DGKK: variants seen among roughly 807,000 people sequenced by gnomAD.
The protein encoded by DGKK is diacylglycerol kinase kappa, also known as 142 kDa diacylglycerol kinase.
In DGKK, 35 loss-of-function variants were observed where a neutral mutation model predicts 92.2. That is an observed-to-expected ratio of 0.38 (90% CI 0.29 to 0.50). The LOEUF (loss-of-function observed/expected upper bound fraction) is 0.50. DGKK is among the 20% of genes least tolerant of loss of function. DGKK has a pLI of 0.92. For synonymous variants in DGKK, 368 were observed against 360.6 expected (o/e 1.02, Z -0.23); for missense variants, 910 against 992.2 (o/e 0.92, Z 1.11).
intron 17 of DGKK, 67 bp from the exon 18 acceptor site, chrX:50,382,670 G>T: frequency 1.1e-6 from 1 of 894,601 alleles, no homozygotes; most frequent in Non-Finnish European, 1.6e-6. Context: ...AATTGGGCAT[G>T]AAGATGAATC....
intron 1 of DGKK, among the ~76,000 whole-genome samples, chrX:50,463,924 T>C (rs1926826231): frequency 9.0e-6 from 1 of 110,589 alleles, no homozygotes; most frequent in South Asian, 3.8e-4. Context: ...TGTTCTCAAA[T>C]TACAAAAATT....
chrX:50,423,920 G>A (rs1487437907), intron 2 of DGKK, among the ~76,000 whole-genome samples: 8 of 111,633 alleles, frequency 7.2e-5, no homozygotes, highest in Admixed American at 2.9e-4. Flanking sequence ...AACATAAAGC[G>A]TTATATGTTA....
intron 1 of DGKK, among the ~76,000 whole-genome samples, chrX:50,462,882 CT>C (rs548003185): frequency 1.3e-4 from 2 of 15,788 alleles, no homozygotes; most frequent in Non-Finnish European, 1.8e-4. Context: ...CCTTTCCTTG[CT>C]TTTTTTTTTT....
chrX:50,376,458 C>T (rs1557223850), intron 23 of DGKK, among the ~76,000 whole-genome samples: 1 of 111,838 alleles, frequency 8.9e-6, no homozygotes, highest in Non-Finnish European at 1.9e-5. Context: ...ACTCTAGGAA[C>T]TCCAAGGCCC....
rs781790002 is a variant in DGKK, at chrX:50,423,207, A to G, written c.757-681T>C. 3.6e-5 allele frequency among the ~76,000 whole-genome samples: 4 copies of G among 112,451 alleles called. No individual in the cohort carries two copies. In the South Asian group the frequency reaches 1.5e-3, roughly 41 times the overall value. On this transcript the variant is annotated intron_variant, in intron 2 of 27. Transcript: ENST00000611977. ...GACAACAGATCATGCATATGAGCAGAGGAGATAGGCGCATTATACATTTCC... is the reference window on the plus strand; with the variant it reads ...GACAACAGATCATGCATATGAGCAGGGGAGATAGGCGCATTATACATTTCC...
At position 50,401,037 on chromosome X, in the gene DGKK, C is replaced by A. The variant is rs781855095; in HGVS notation, c.1411G>T (p.Gly471Cys). The A allele has an allele frequency of 8.4e-7, 1 of 1,193,573 alleles. No individual in the cohort carries two copies. Among genetic ancestry groups the A allele is most frequent in the South Asian group, 1.8e-5 (1 of 54,226 alleles). The stretch of plus-strand genomic sequence containing the variant: ...CTGAGGTTAAGATTTAACTACTCAC[C>A]ATCGCCTTTGGGGTCGCTTAGAGCA... ...PTALSDPKGD[G>C]QLVVSSDFWN... The change falls in exon 8 of 28, where the codon GGC (glycine) becomes TGC (cysteine). Residue 471 changes from glycine to cysteine, a missense_variant and splice_region_variant. Transcript: ENST00000611977.
intron 1 of DGKK, among the ~76,000 whole-genome samples, chrX:50,447,337 TATATATTATATATATATATA>T (rs1369410617): frequency 0.19 from 4,652 of 24,571 alleles, 651 homozygotes; most frequent in African/African-American, 0.43. Flanking sequence ...TATATATATA[TATATATTATATATATATATA>T]ATATATATAT....
intron 1 of DGKK, among the ~76,000 whole-genome samples, chrX:50,448,327 A>G (rs1926417248): frequency 9.1e-6 from 1 of 110,154 alleles, no homozygotes; most frequent in African/African-American, 3.3e-5. Context: ...TGATTTATTT[A>G]TTTATTCATT....
Position 50,386,601 on chromosome X carries a change from A to G in DGKK, c.2119-15T>C, listed in dbSNP as rs1557224986. On this transcript the variant is annotated splice_polypyrimidine_tract_variant and intron_variant, in intron 14 of 27. Transcript: ENST00000611977. ...ATTAAGTCACTCTATATAGAAAGGA[A>G]GGAGACAGGGCATTGTTATGAGGGA... 11 of 1,180,182 alleles carry G rather than the reference A, an allele frequency of 9.3e-6. No homozygotes were observed. The South Asian group carries it at 1.4e-4, about 16-fold the overall frequency.
intron 1 of DGKK, among the ~76,000 whole-genome samples, chrX:50,441,970 AT>A (rs1329672789): frequency 1.8e-5 from 2 of 111,412 alleles, no homozygotes; most frequent in Non-Finnish European, 3.8e-5. Context: ...ATCTTGAGAA[AT>A]TTCATAGATA....
intron 1 of DGKK, among the ~76,000 whole-genome samples, chrX:50,459,070 C>T (rs1453444438): frequency 9.0e-6 from 1 of 111,712 alleles, no homozygotes; most frequent in Non-Finnish European, 1.9e-5. Context: ...TCTCTGAAAA[C>T]TTGTTGGATG....
At chrX:50,386,651 G>T in intron 14 of DGKK, 65 bp from the exon 15 acceptor site, 1 of 984,333 alleles carries the variant, frequency 1.0e-6, no homozygotes, top group East Asian at 3.2e-5. Flanking sequence ...GACAGAATGA[G>T]GAGTGGTGGT....
At position 50,367,980 on chromosome X, in the gene DGKK, A is replaced by T. The variant is rs1295008061; in HGVS notation, c.*960T>A. On this transcript the variant is annotated 3_prime_UTR_variant, in exon 28 of 28. Coordinates refer to ENST00000611977, the MANE Select transcript of DGKK (RefSeq NM_001013742.4). The stretch of plus-strand genomic sequence containing the variant: ...GTTATTGTTATGTAGAGTAAGGGGG[A>T]GTGGGAAGGGATTCCTGGATTAGCA... 3 of 109,440 alleles carry T rather than the reference A, an allele frequency of 2.7e-5. No individual in the cohort carries two copies. The highest frequency in any genetic ancestry group is 5.7e-5 in the Non-Finnish European group (3 of 52,548). 9.0% of individuals were successfully genotyped at this position (109,440 alleles called of 1,213,427 possible). A position where few individuals can be genotyped will look rare whatever the true frequency, so the allele number is the denominator to read the frequency against.
chrX:50,451,706 A>T (rs1231677484), intron 1 of DGKK, among the ~76,000 whole-genome samples: 2 of 111,502 alleles, frequency 1.8e-5, no homozygotes, highest in Admixed American at 9.6e-5. Context: ...AACAGGCAAG[A>T]ACTTACTATG....
intron 16 of DGKK, 109 bp downstream of exon 16, chrX:50,384,611 G>T: frequency 1.4e-6 from 1 of 709,711 alleles, no homozygotes; most frequent in African/African-American, 2.1e-5. Context: ...GGTATCTACT[G>T]CAGGATTATG....
chrX:50,446,189 T>C (rs1557231838), intron 1 of DGKK, among the ~76,000 whole-genome samples: 1 of 110,735 alleles, frequency 9.0e-6, no homozygotes, highest in Non-Finnish European at 1.9e-5. Flanking sequence ...GGGCCAAGAC[T>C]ATGGGGTTTT....
chrX:50,459,165 A>G (rs901067913), intron 1 of DGKK, among the ~76,000 whole-genome samples: 1 of 111,601 alleles, frequency 9.0e-6, no homozygotes, highest in African/African-American at 3.3e-5. Flanking sequence ...AAAAGTCCCA[A>G]TATTTCTTCA....
At chrX:50,465,335 C>T (rs184417657) in intron 1 of DGKK, among the ~76,000 whole-genome samples, 9,792 of 108,307 alleles carry the variant, frequency 0.09, 482 homozygotes, top group Non-Finnish European at 0.14. Context: ...CCTTTCTTTT[C>T]GTTTTTAAAA....
intron 7 of DGKK, 72 bp from the exon 8 acceptor site, chrX:50,401,211 G>T (rs1924996534): frequency 1.1e-6 from 1 of 907,060 alleles, no homozygotes; most frequent in Non-Finnish European, 1.6e-6. Flanking sequence ...TCAGTCTTGA[G>T]TTCCAATACC....
Sources: gnomAD v4.1 joint callset for allele counts (sites outside exome capture counted in the v4.1 genomes callset) on GRCh38, gnomAD v4.1.1 for gene constraint, MANE v1.5 for transcripts, NCBI Gene and HGNC (gene_info 2026-07-23, HGNC 2026-07-21) for gene names.